Variants in SACM1L observed in about 807,000 individuals in gnomAD.
The protein encoded by SACM1L is SAC1 like phosphatidylinositide phosphatase.
Under a neutral mutation model 89.5 loss-of-function variants are expected in SACM1L, and 32 were observed. The observed-to-expected ratio is 0.36, with a 90% confidence interval of 0.27 to 0.48. The LOEUF (loss-of-function observed/expected upper bound fraction) is 0.48, where lower values mean the gene tolerates loss of function less well. SACM1L is among the 20% of genes least tolerant of loss of function. The pLI, the probability that SACM1L is intolerant of heterozygous loss-of-function variation, is 0.99. For missense variants in SACM1L, 543 were observed against 708.5 expected (o/e 0.77, Z 2.65); for synonymous variants, 213 against 232.8 (o/e 0.92, Z 0.77).
intron 1 of SACM1L, among the ~76,000 whole-genome samples, chr3:45,691,024 G>T (rs1169433494): frequency 6.6e-6 from 1 of 152,188 alleles, no homozygotes; most frequent in African/African-American, 2.4e-5. Context: ...TTTTTCAGCT[G>T]CCAGAACACT....
Position 45,689,476 on chromosome 3 carries a change from C to T in SACM1L, c.11C>T (p.Ala4Val). ...AGGTGGTTGTGCAGGATGGCGACGGCGGCCTACGAGCAGCTGAAGCTGTGA... is the reference window on the plus strand; with the variant it reads ...AGGTGGTTGTGCAGGATGGCGACGGTGGCCTACGAGCAGCTGAAGCTGTGA... MATAAYEQLKLHIT... is the reference protein window; with the variant it reads MATVAYEQLKLHIT... The change falls in exon 1 of 20, where the codon GCG becomes GTG. Residue 4 changes from alanine to valine, a missense_variant. By Grantham distance (64) the Ala-to-Val change is moderately conservative. This residue lies in a region of SACM1L where 173 missense variants were observed against 180.9 expected (regional missense o/e 0.96). Coordinates refer to ENST00000389061, the MANE Select transcript of SACM1L (RefSeq NM_014016.5). The T allele has an allele frequency of 1.3e-6, 2 of 1,577,766 alleles. No individual in the cohort carries two copies. Among genetic ancestry groups the T allele is most frequent in the Non-Finnish European group, 1.7e-6 (2 of 1,162,998 alleles).
chr3:45,731,349 A>G lies in SACM1L; in HGVS notation c.970A>G (p.Met324Val). 2 of 1,613,388 alleles carry G rather than the reference A, an allele frequency of 1.2e-6. No homozygotes were observed. Among genetic ancestry groups the G allele is most frequent in the Non-Finnish European group, 1.7e-6 (2 of 1,179,500 alleles). The change falls in exon 12 of 20, where the codon ATG becomes GTG. Residue 324 changes from methionine (M) to valine (V), a missense_variant. Coordinates refer to ENST00000389061, the MANE Select transcript of SACM1L (RefSeq NM_014016.5). ...EKPLEQTFAT[M>V]VSSLGSGMMR... is the part of the protein sequence containing the mutation. The stretch of plus-strand genomic sequence containing the variant: ...GCCACTTGAGCAGACATTTGCAACA[A>G]TGGTGTCTTCCTTGGGAAGTGGAAT...
At chr3:45,731,808 T>A (rs1449256755) in intron 12 of SACM1L, among the ~76,000 whole-genome samples, 2 of 152,228 alleles carry the variant, frequency 1.3e-5, no homozygotes, top group Non-Finnish European at 2.9e-5. Context: ...ATGCATATAT[T>A]TTCATGTTTA....
At chr3:45,739,522 CA>C in intron 18 of SACM1L, 64 bp from the exon 19 acceptor site, 1 of 1,427,256 alleles carries the variant, frequency 7.0e-7, no homozygotes, top group Non-Finnish European at 9.9e-7. Flanking sequence ...AATGCATGCA[CA>C]ACTGATTTTG....
At chr3:45,723,027 A>C in intron 10 of SACM1L, 72 bp downstream of exon 10, 3 of 1,223,276 alleles carry the variant, frequency 2.5e-6, no homozygotes, top group Non-Finnish European at 3.6e-6. Context: ...GCATGTAAAG[A>C]ATGTATTTAT....
chr3:45,707,616 C>CA (rs1168492138), intron 4 of SACM1L, among the ~76,000 whole-genome samples: 1 of 152,190 alleles, frequency 6.6e-6, no homozygotes, highest in Admixed American at 6.5e-5. Context: ...GGTATGCAGC[C>CA]AGAGGTCCTG....
intron 1 of SACM1L, among the ~76,000 whole-genome samples, chr3:45,693,613 G>T (rs1385171128): frequency 6.6e-6 from 1 of 152,200 alleles, no homozygotes; most frequent in Non-Finnish European, 1.5e-5. Context: ...GCTAGCCTTG[G>T]AATACGGCTG....
intron 3 of SACM1L, among the ~76,000 whole-genome samples, chr3:45,706,204 T>C (rs561080853): frequency 1.2e-4 from 18 of 152,340 alleles, no homozygotes; most frequent in Admixed American, 1.2e-3. Context: ...TATGTATTTC[T>C]GGGGTGAGGA....
rs559845964 is a variant in SACM1L, at chr3:45,744,507, T to G, written c.*838T>G. On this transcript the variant is annotated 3_prime_UTR_variant, in exon 20 of 20. Coordinates refer to ENST00000389061, the MANE Select transcript of SACM1L (RefSeq NM_014016.5). Reference sequence around the variant, plus strand: ...TTTGGTTTCTTTGAGGGTCACTCATTGAGACACGCAGGCCTCTGAGAGGGT... The same window carrying G: ...TTTGGTTTCTTTGAGGGTCACTCATGGAGACACGCAGGCCTCTGAGAGGGT... The G allele has an allele frequency of 3.3e-5, 5 of 152,774 alleles. No homozygotes were observed. The highest frequency in any genetic ancestry group is 1.2e-4 in the African/African-American group (5 of 41,572). 9.5% of individuals were successfully genotyped at this position (152,774 alleles called of 1,614,324 possible). A position where few individuals can be genotyped will look rare whatever the true frequency, so the allele number is the denominator to read the frequency against.
chr3:45,696,037 G>A (rs1698117147), intron 1 of SACM1L, among the ~76,000 whole-genome samples: 1 of 133,788 alleles, frequency 7.5e-6, no homozygotes, highest in African/African-American at 2.8e-5. Context: ...TCGCTCTGTT[G>A]CCTATGCTGG....
chr3:45,728,596 A>C (rs1698979536), intron 11 of SACM1L, among the ~76,000 whole-genome samples: 1 of 152,196 alleles, frequency 6.6e-6, no homozygotes, highest in Non-Finnish European at 1.5e-5. Context: ...TGACATTTCA[A>C]ATTCCATCTT....
At chr3:45,721,522 C>T (rs904873442) in intron 8 of SACM1L, among the ~76,000 whole-genome samples, 14 of 152,234 alleles carry the variant, frequency 9.2e-5, no homozygotes, top group African/African-American at 3.1e-4. Context: ...AACTCCGTCT[C>T]AAAAAATAAG....
At chr3:45,719,826 G>A (rs1698747672) in intron 8 of SACM1L, among the ~76,000 whole-genome samples, 1 of 152,176 alleles carries the variant, frequency 6.6e-6, no homozygotes, top group African/African-American at 2.4e-5. Context: ...CTTACTGCTT[G>A]AAGAGGAACT....
intron 4 of SACM1L, among the ~76,000 whole-genome samples, chr3:45,707,856 CAAG>C (rs1171525549): frequency 1.1e-4 from 16 of 151,880 alleles, no homozygotes; most frequent in African/African-American, 3.9e-4. Context: ...ATCTATATGA[CAAG>C]AAGGCGGCAA....
chr3:45,719,090 T>C (rs544967595), intron 7 of SACM1L, among the ~76,000 whole-genome samples: 96 of 152,278 alleles, frequency 6.3e-4, no homozygotes, highest in Non-Finnish European at 1.2e-3. Context: ...TCATTTTTTT[T>C]CCCCTTAGCT....
rs1316454218 is a variant in SACM1L, at chr3:45,731,281, G to T, written c.922-20G>T. ...CCTTTGAAATAAACTGGAAACTATG[G>T]TGTTTGAAATTTTTTACAGATTAAC... is the stretch of plus-strand genomic sequence containing the variant. On this transcript the variant is annotated intron_variant, in intron 11 of 19. Coordinates refer to ENST00000389061, the MANE Select transcript of SACM1L (RefSeq NM_014016.5). The T allele has an allele frequency of 5.7e-6, 9 of 1,566,178 alleles. No homozygotes were observed. Among genetic ancestry groups the T allele is most frequent in the Non-Finnish European group, 7.9e-6 (9 of 1,141,780 alleles).
At chr3:45,720,579 C>A (rs1487410345) in intron 8 of SACM1L, among the ~76,000 whole-genome samples, 1 of 152,082 alleles carries the variant, frequency 6.6e-6, no homozygotes, top group Non-Finnish European at 1.5e-5. Flanking sequence ...CACCTTGTTT[C>A]CTTTTTTTCC....
intron 13 of SACM1L, chr3:45,734,956 C>T: frequency 3.4e-6 from 1 of 294,814 alleles, no homozygotes; most frequent in African/African-American, 2.2e-5. Flanking sequence ...ATTTGCACAG[C>T]AACCTTTTTA....
At chr3:45,710,068 A>G (rs1306898220) in intron 5 of SACM1L, among the ~76,000 whole-genome samples, 1 of 152,218 alleles carries the variant, frequency 6.6e-6, no homozygotes, top group Non-Finnish European at 1.5e-5. Flanking sequence ...CAGTGTAATT[A>G]GGCTTATAAA....
Sources: gnomAD v4.1 joint callset for allele counts (sites outside exome capture counted in the v4.1 genomes callset) on GRCh38, gnomAD v4.1.1 for gene constraint, gnomAD v4.1.1 regional missense constraint, MANE v1.5 for transcripts, NCBI Gene and HGNC (gene_info 2026-07-23, HGNC 2026-07-21) for gene names.